The following ANKRD44 variants were observed in gnomAD, a reference collection of about 807,000 sequenced individuals.
ANKRD44 encodes serine/threonine-protein phosphatase 6 regulatory ankyrin repeat subunit B.
ANKRD44 carries 35 observed loss-of-function variants against 116.0 expected under a neutral mutation model. The observed-to-expected ratio is 0.30, with a 90% CI of 0.23 to 0.40. ANKRD44 has a LOEUF of 0.40. ANKRD44 is among the 10% of genes least tolerant of loss of function. ANKRD44 has a pLI of 1.00. For missense variants in ANKRD44, 1,014 were observed against 1,242.6 expected (o/e 0.82, Z 2.77); for synonymous variants, 435 against 461.8 (o/e 0.94, Z 0.74).
intron 6 of ANKRD44, 110 bp downstream of exon 6, chr2:197,125,271 C>A: frequency 9.7e-7 from 1 of 1,031,764 alleles, no homozygotes. Flanking sequence ...AATTGCAACC[C>A]AAGCTTGAAA....
intron 2 of ANKRD44, among the ~76,000 whole-genome samples, chr2:197,164,616 C>T (rs2080060045): frequency 6.6e-6 from 1 of 152,182 alleles, no homozygotes; most frequent in African/African-American, 2.4e-5. Context: ...TGCGGGGTTC[C>T]CGCGCCCCAA....
chr2:197,277,854 T>C (rs931399652), intron 1 of ANKRD44, among the ~76,000 whole-genome samples: 1 of 152,196 alleles, frequency 6.6e-6, no homozygotes, highest in African/African-American at 2.4e-5. Flanking sequence ...GCATGTATCA[T>C]TCACATATGG....
chr2:197,185,884 T>C (rs2080644552), intron 2 of ANKRD44, among the ~76,000 whole-genome samples: 1 of 152,128 alleles, frequency 6.6e-6, no homozygotes, highest in African/African-American at 2.4e-5. Flanking sequence ...CAGCAAACTT[T>C]CCCTAAAAAA....
chr2:197,263,400 C>G (rs574481416), intron 1 of ANKRD44: 1 of 605,234 alleles, frequency 1.7e-6, no homozygotes, highest in East Asian at 3.3e-5. Flanking sequence ...TGTTTGGGAG[C>G]CTCATCATTG....
intron 1 of ANKRD44, among the ~76,000 whole-genome samples, chr2:197,270,923 T>C (rs956028052): frequency 2.0e-5 from 3 of 152,172 alleles, no homozygotes; most frequent in African/African-American, 7.2e-5. Flanking sequence ...ACAGTGGCTT[T>C]AGAAAATAAT....
At chr2:197,003,884 T>C (rs1298096513) in intron 21 of ANKRD44, among the ~76,000 whole-genome samples, 1 of 151,182 alleles carries the variant, frequency 6.6e-6, no homozygotes, top group African/African-American at 2.4e-5. Context: ...CAAAACCAAG[T>C]TGAGGAAATA....
chr2:197,283,584 C>G (rs1195612466), intron 1 of ANKRD44, among the ~76,000 whole-genome samples: 1 of 151,982 alleles, frequency 6.6e-6, no homozygotes, highest in Non-Finnish European at 1.5e-5. Flanking sequence ...ATAATTACAG[C>G]CTTAATAGAA....
At chr2:197,081,246 G>A (rs1173100893) in intron 15 of ANKRD44, among the ~76,000 whole-genome samples, 3 of 152,196 alleles carry the variant, frequency 2.0e-5, no homozygotes, top group Admixed American at 6.5e-5. Context: ...ATTTCACACC[G>A]AAGTATTAAG....
intron 9 of ANKRD44, among the ~76,000 whole-genome samples, chr2:197,105,302 T>C (rs901258799): frequency 3.0e-4 from 46 of 152,244 alleles, no homozygotes; most frequent in African/African-American, 8.7e-4. Context: ...TTAGTGGAGA[T>C]GAGGTTTTGC....
chr2:197,165,438 G>A (rs542797034), intron 2 of ANKRD44, among the ~76,000 whole-genome samples: 1 of 152,296 alleles, frequency 6.6e-6, no homozygotes, highest in Non-Finnish European at 1.5e-5. Context: ...TAATTTCTGG[G>A]GTGACAGAAA....
At chr2:197,274,141 T>C (rs1278303443) in intron 1 of ANKRD44, among the ~76,000 whole-genome samples, 2 of 151,400 alleles carry the variant, frequency 1.3e-5, no homozygotes, top group Admixed American at 1.3e-4. Flanking sequence ...CAAGTCCATG[T>C]GGACATCACT....
chr2:197,078,497 G>A, intron 16 of ANKRD44: 2 of 1,359,290 alleles, frequency 1.5e-6, no homozygotes, highest in Non-Finnish European at 1.9e-6. Context: ...AGCCTTGGGT[G>A]GTGGTGGGGC....
intron 16 of ANKRD44, among the ~76,000 whole-genome samples, chr2:197,050,647 T>C (rs1172615382): frequency 2.6e-5 from 4 of 152,104 alleles, no homozygotes; most frequent in Admixed American, 2.6e-4. Flanking sequence ...GGTCTTGAAC[T>C]CCTGACCTCA....
In ANKRD44 at chr2:197,212,762, C is replaced by T. The variant is rs2081353093; in HGVS notation, c.28-25656G>A. On this transcript the variant is annotated intron_variant, in intron 1 of 27. Transcript: ENST00000282272. This position sits in a 1 kb window ranked among gnomAD's most constrained non-coding sequence, Gnocchi z 4.8. Reference sequence around the variant, plus strand: ...TGCTCAAAAGAATTCAGTTAACACCCACAAGGAAGGGAGGTGGACACGTAC... The same window carrying T: ...TGCTCAAAAGAATTCAGTTAACACCTACAAGGAAGGGAGGTGGACACGTAC... Among the ~76,000 whole-genome samples the T allele has an allele frequency of 6.6e-6, 1 of 152,074 alleles. No individual in the cohort carries two copies. The highest frequency in any genetic ancestry group is 2.4e-5 in the African/African-American group (1 of 41,388).
intron 26 of ANKRD44, 100 bp from the exon 27 acceptor site, chr2:196,993,774 T>C: frequency 1.1e-6 from 1 of 927,856 alleles, no homozygotes; most frequent in Non-Finnish European, 1.7e-6. Flanking sequence ...GTACTTAGAC[T>C]CTACAAATAG....
intron 9 of ANKRD44, among the ~76,000 whole-genome samples, chr2:197,103,084 C>G (rs2078336814): frequency 6.6e-6 from 1 of 151,960 alleles, no homozygotes; most frequent in South Asian, 2.1e-4. Flanking sequence ...AAAAAATTAG[C>G]CGGCATGGTG....
chr2:196,968,498 T>C (rs2075691362), intron 21 of ANKRD44, among the ~76,000 whole-genome samples: 2 of 152,238 alleles, frequency 1.3e-5, no homozygotes, highest in African/African-American at 4.8e-5. Flanking sequence ...CCCATTATAA[T>C]ACTTGCCTTG....
intron 1 of ANKRD44, among the ~76,000 whole-genome samples, chr2:197,231,819 C>T (rs929756918): frequency 6.6e-6 from 1 of 152,064 alleles, no homozygotes; most frequent in Admixed American, 6.6e-5. Flanking sequence ...ATTCATGGGC[C>T]ATTTTTGAGT....
downstream of ANKRD44, among the ~76,000 whole-genome samples, chr2:196,981,673 G>T (rs1270350635): frequency 6.6e-6 from 1 of 152,130 alleles, no homozygotes; most frequent in African/African-American, 2.4e-5. Context: ...CCAGCTACTT[G>T]AGAGGCTGAG....
Sources: allele counts gnomAD v4.1 joint callset (sites outside exome capture counted in the v4.1 genomes callset), GRCh38; gene constraint gnomAD v4.1.1; non-coding constraint Gnocchi (gnomAD v3.1); transcripts MANE v1.5; gene names NCBI Gene and HGNC (gene_info 2026-07-23, HGNC 2026-07-21).